Variants in IL3RA observed in about 807,000 individuals in gnomAD.
The protein encoded by IL3RA is interleukin-3 receptor subunit alpha.
In IL3RA, 73 loss-of-function variants were observed where a neutral mutation model predicts 52.3. That is an observed-to-expected ratio of 1.40 (90% CI 1.16 to 1.70). IL3RA has a LOEUF of 1.70. IL3RA is among the 40% of genes most tolerant of loss of function. The pLI is 0.00. For missense variants in IL3RA, 664 were observed against 504.4 expected (o/e 1.32, Z -3.03); for synonymous variants, 260 against 194.0 (o/e 1.34, Z -2.83).
At chrX:1,349,211 T>G (rs2085964830) in intron 4 of IL3RA, among the ~76,000 whole-genome samples, 1 of 148,172 alleles carries the variant, frequency 6.7e-6, no homozygotes, top group Admixed American at 6.8e-5. Context: ...AGACAGAGTC[T>G]CACTCTGTCC....
chrX:1,361,843 G>A (rs1186414837), intron 8 of IL3RA, among the ~76,000 whole-genome samples: 7 of 150,352 alleles, frequency 4.7e-5, no homozygotes, highest in South Asian at 2.1e-4. Flanking sequence ...TCACTACCCC[G>A]AGAACAGTGT....
chrX:1,355,628 G>A (rs2086650935), intron 6 of IL3RA, among the ~76,000 whole-genome samples: 1 of 151,306 alleles, frequency 6.6e-6, no homozygotes, highest in East Asian at 1.9e-4. Context: ...CTGGGCCACT[G>A]GGAGAGGCGG....
chrX:1,365,445 AGCGGGGTGAGCGGGGTGC>A (rs2087903544), intron 9 of IL3RA, among the ~76,000 whole-genome samples, 193 bp downstream of exon 9: 1 of 18,462 alleles, frequency 5.4e-5, no homozygotes, highest in Non-Finnish European at 8.5e-5. Flanking sequence ...GCGCGGGGTG[AGCGGGGTGAGCGGGGTGC>A]GCGGGGTGAG....
intron 7 of IL3RA, among the ~76,000 whole-genome samples, chrX:1,357,835 G>T (rs1254647045): frequency 6.7e-6 from 1 of 149,152 alleles, no homozygotes; most frequent in African/African-American, 2.5e-5. Flanking sequence ...GGGTGCAGTA[G>T]CTTACGCCTG....
At chrX:1,354,687 C>T (rs1202427397) in intron 6 of IL3RA, among the ~76,000 whole-genome samples, 1 of 46,930 alleles carries the variant, frequency 2.1e-5, no homozygotes, top group African/African-American at 1.2e-4. Context: ...GAGAAGAAAA[C>T]AGGAGGGGGA....
chrX:1,376,551 T>G (rs2088737190), intron 9 of IL3RA, among the ~76,000 whole-genome samples: 1 of 121,738 alleles, frequency 8.2e-6, no homozygotes, highest in Non-Finnish European at 1.7e-5. Context: ...TGGTATTCTG[T>G]GACAGCAGCC....
chrX:1,339,158 T>A (rs1225439815), intron 1 of IL3RA, among the ~76,000 whole-genome samples: 1 of 151,990 alleles, frequency 6.6e-6, no homozygotes, highest in African/African-American at 2.4e-5. Flanking sequence ...TATTAATCAA[T>A]AAATGTTAAG....
intron 3 of IL3RA, among the ~76,000 whole-genome samples, chrX:1,347,949 A>G (rs1393838121): frequency 1.3e-5 from 2 of 150,476 alleles, no homozygotes; most frequent in Non-Finnish European, 3.0e-5. Flanking sequence ...AGGCAGGAGA[A>G]TGGCATGAAC....
intron 4 of IL3RA, 73 bp downstream of exon 4, chrX:1,348,618 C>T (rs760377639): frequency 8.0e-5 from 79 of 988,010 alleles, no homozygotes; most frequent in South Asian, 6.1e-4. Flanking sequence ...CTCTCGCCTT[C>T]GCTGTGTCTT....
intron 9 of IL3RA, among the ~76,000 whole-genome samples, chrX:1,367,763 C>T (rs1178643358): frequency 7.3e-6 from 1 of 136,668 alleles, no homozygotes; most frequent in Non-Finnish European, 1.6e-5. Flanking sequence ...GCGGGGTGCG[C>T]CGGGTGAGCG....
intron 11 of IL3RA, 29 bp from the exon 12 acceptor site, chrX:1,382,362 A>C: frequency 1.2e-6 from 2 of 1,600,486 alleles, no homozygotes; most frequent in Non-Finnish European, 1.7e-6. Context: ...GGGGTGGCCG[A>C]CTCACCCTGC....
At chrX:1,346,944 T>C (rs1394235950) in intron 3 of IL3RA, among the ~76,000 whole-genome samples, 1 of 151,348 alleles carries the variant, frequency 6.6e-6, no homozygotes, top group African/African-American at 2.5e-5. Context: ...CCCATTGAAC[T>C]TTGTGATTTT....
intron 4 of IL3RA, among the ~76,000 whole-genome samples, chrX:1,348,763 CTT>C (rs1481570804): frequency 1.4e-5 from 2 of 142,954 alleles, no homozygotes; most frequent in African/African-American, 5.1e-5. Flanking sequence ...TCCTCTCTTT[CTT>C]TTCTTTCTCT....
chrX:1,343,662 A>T (rs1469219270), intron 2 of IL3RA, among the ~76,000 whole-genome samples: 2 of 104,732 alleles, frequency 1.9e-5, no homozygotes, highest in South Asian at 3.4e-4. Flanking sequence ...GCGAGGCTCC[A>T]TCTCAAAAAA....
chrX:1,351,339 T>TA (rs113707326), intron 4 of IL3RA, among the ~76,000 whole-genome samples: 111,522 of 151,988 alleles, frequency 0.73, 41,249 homozygotes, highest in Middle Eastern at 0.83. Flanking sequence ...GTTTTATTTT[T>TA]TTTTTTGAGA....
At chrX:1,353,341 G>A (rs1203186841) in intron 6 of IL3RA, among the ~76,000 whole-genome samples, 6 of 94,028 alleles carry the variant, frequency 6.4e-5, no homozygotes, top group South Asian at 6.6e-4. Flanking sequence ...CCCATCATGG[G>A]TCCCATCATG....
In IL3RA at chrX:1,352,301, C is replaced by T. The variant is rs761782050; in HGVS notation, c.432-21C>T. The T allele has an allele frequency of 1.9e-6, 3 of 1,613,498 alleles. No homozygotes were observed. The South Asian group carries it at 3.3e-5, about 18-fold the overall frequency. ...GTGCCATCGGCGTGGGGTCGTCCCC[C>T]AACCTTACCGCTTACCGCAGCAGGC... On this transcript the variant is annotated intron_variant, in intron 5 of 11. Coordinates refer to ENST00000331035, the MANE Select transcript of IL3RA (RefSeq NM_002183.4).
intron 8 of IL3RA, among the ~76,000 whole-genome samples, chrX:1,361,733 A>AT (rs2149086009): frequency 1.4e-5 from 2 of 139,716 alleles, no homozygotes; most frequent in South Asian, 2.3e-4. Context: ...AGCCTGGGTG[A>AT]CAGAGTGAGA....
intron 3 of IL3RA, among the ~76,000 whole-genome samples, chrX:1,348,149 C>G (rs1377557403): frequency 1.3e-5 from 2 of 150,966 alleles, no homozygotes; most frequent in South Asian, 2.1e-4. Context: ...GAGTTCGAGA[C>G]CAGCCTGACC....
Sources: gnomAD v4.1 joint callset for allele counts (sites outside exome capture counted in the v4.1 genomes callset) on GRCh38, gnomAD v4.1.1 for gene constraint, MANE v1.5 for transcripts, NCBI Gene and HGNC (gene_info 2026-07-23, HGNC 2026-07-21) for gene names.